Variants in ANKRD52 observed in about 807,000 individuals in gnomAD.
ANKRD52 encodes ankyrin repeat domain 52.
Under a neutral mutation model 116.0 loss-of-function variants are expected in ANKRD52, and 7 were observed. The observed-to-expected ratio is 0.06, with a 90% CI of 0.03 to 0.11. The LOEUF is 0.11. ANKRD52 is among the 10% of genes least tolerant of loss of function. The pLI, the probability that ANKRD52 is intolerant of heterozygous loss-of-function variation, is 1.00. For synonymous variants in ANKRD52, 528 were observed against 578.1 expected, an observed-to-expected ratio of 0.91 and a Z score of 1.24; for missense variants, 839 against 1,408.6, an observed-to-expected ratio of 0.60 and a Z score of 6.47.
In ANKRD52 at chr12:56,241,385, T is replaced by C. The variant is rs141815087; in HGVS notation, c.*1757A>G. The C allele has an allele frequency of 4.0e-5, 6 of 151,746 alleles. No homozygotes were observed. In the East Asian group the frequency reaches 5.9e-4, roughly 15 times the overall value. 9.4% of individuals were successfully genotyped at this position (151,746 alleles called of 1,614,324 possible). A position where few individuals can be genotyped will look rare whatever the true frequency, so the allele number is the denominator to read the frequency against. The stretch of plus-strand genomic sequence containing the variant: ...CATGAGGTATGGTTAAAGGTATCCG[T>C]TGGGGAGGGAGGGGGTCCCTGGGAC... On this transcript the variant is annotated 3_prime_UTR_variant, in exon 28 of 28. Transcript: ENST00000267116.
Position 56,247,530 on chromosome 12 carries a change from G to A in ANKRD52, c.2147C>T (p.Ala716Val). ...GGCAGTGCGGCCCCGGAGGTCAGCA[G>A]CATCAGCTGTGGATCCTTTCTCTAG... The part of the protein sequence containing the change: ...LLLEKGSTAD[A>V]ADLRGRTALH... The change falls in exon 20 of 28, where the codon GCT becomes GTT. Residue 716 changes from alanine (A) to valine (V), a missense_variant. This residue lies in a region of ANKRD52 where 552 missense variants were observed against 810.6 expected (regional missense o/e 0.68). Transcript: ENST00000267116. 3 of 1,593,956 alleles carry A rather than the reference G, an allele frequency of 1.9e-6. No homozygotes were observed. Among genetic ancestry groups the A allele is most frequent in the Non-Finnish European group, 2.6e-6 (3 of 1,169,760 alleles).
In ANKRD52 at chr12:56,243,367, G is replaced by A. The variant is rs778208256; in HGVS notation, c.3006C>T (p.Ala1002=). The change falls in exon 28 of 28, where the codon GCC becomes GCT. Residue 1002 remains alanine, a synonymous_variant. Transcript: ENST00000267116. This position sits in a 1 kb window ranked among gnomAD's most constrained non-coding sequence, Gnocchi z 4.6. ...EEGHTPALAC[A]PNKDVADCLA... ...GGCAGTCTGCCACATCTTTGTTGGG[G>A]GCACAGGCCAGTGCTGGGGTGTGAC... The A allele has an allele frequency of 1.7e-5, 27 of 1,613,802 alleles. No homozygotes were observed. The East Asian group carries it at 5.8e-4, about 35-fold the overall frequency.
rs1196502056 is a variant in ANKRD52, at chr12:56,248,210, G to A, written c.1791C>T (p.His597=). ...CCGCCAGCGTCTTCAAGGCTTCACA[G>A]TGACCGTTGTAGGCCTGGCAAGGTG... ...SPLHLAAYNG[H]CEALKTLAET... Residue 597 remains histidine, a synonymous_variant, in exon 18 of 28, where the codon CAC becomes CAT. Coordinates refer to ENST00000267116, the MANE Select transcript of ANKRD52 (RefSeq NM_173595.4). The surrounding 1 kb of genome is among the most constrained non-coding windows in gnomAD (Gnocchi z 5.1). 1 of 1,613,664 alleles carries A rather than the reference G, an allele frequency of 6.2e-7. No individual in the cohort carries two copies. Among genetic ancestry groups the A allele is most frequent in the African/African-American group, 1.3e-5 (1 of 74,932 alleles).
At chr12:56,257,564 T>C (rs1231561030) in intron 2 of ANKRD52, among the ~76,000 whole-genome samples, 1 of 152,018 alleles carries the variant, frequency 6.6e-6, no homozygotes, top group Non-Finnish European at 1.5e-5. Flanking sequence ...AGCCGGCTCC[T>C]TTTTCCAGGA....
At position 56,253,478 on chromosome 12, in the gene ANKRD52, G is replaced by T; in HGVS notation, c.986-76C>A. The T allele has an allele frequency of 8.5e-7, 1 of 1,181,838 alleles. No homozygotes were observed. The highest frequency in any genetic ancestry group is 1.3e-6 in the Non-Finnish European group (1 of 799,740). The allele number at this position is 1,181,838 out of a possible 1,614,324, so 73.2% of individuals were successfully genotyped here. On this transcript the variant is annotated intron_variant, in intron 9 of 27. Coordinates refer to ENST00000267116, the MANE Select transcript of ANKRD52 (RefSeq NM_173595.4). This position sits in a 1 kb window ranked among gnomAD's most constrained non-coding sequence, Gnocchi z 5.5. ...CACTTTCGCGAGCTAGCCATGATTT[G>T]AGTGCCTACTATGTATGCATCAGGT...
Position 56,255,013 on chromosome 12 carries a change from G to A in ANKRD52, c.463-61C>T. The A allele has an allele frequency of 6.5e-7, 1 of 1,545,120 alleles. No individual in the cohort carries two copies. Among genetic ancestry groups the A allele is most frequent in the South Asian group, 1.1e-5 (1 of 89,440 alleles). ...AGATTCGTGCCCTCAACCTACCTAA[G>A]AGCAGAGGCCTCATCTCCTGAAAAG... On this transcript the variant is annotated intron_variant, in intron 5 of 27. Transcript: ENST00000267116. The surrounding 1 kb of genome is among the most constrained non-coding windows in gnomAD (Gnocchi z 4.3).
At position 56,255,049 on chromosome 12, in the gene ANKRD52, C is replaced by A; in HGVS notation, c.463-97G>T. ...TCATCTCCTGAAAAGGCTGAGGCAG[C>A]CTAATGCCTTTTTCCATGAGCAAAA... On this transcript the variant is annotated intron_variant, in intron 5 of 27. Coordinates refer to ENST00000267116, the MANE Select transcript of ANKRD52 (RefSeq NM_173595.4). This position sits in a 1 kb window ranked among gnomAD's most constrained non-coding sequence, Gnocchi z 4.3. The A allele has an allele frequency of 1.5e-6, 2 of 1,295,862 alleles. No individual in the cohort carries two copies. Among genetic ancestry groups the A allele is most frequent in the South Asian group, 2.5e-5 (2 of 78,992 alleles). The allele number at this position is 1,295,862 out of a possible 1,614,324, so 80.3% of individuals were successfully genotyped here. A position where few individuals can be genotyped will look rare whatever the true frequency, so the allele number is the denominator to read the frequency against.
At chr12:56,250,734 TAAAA>T (rs60547094) in intron 15 of ANKRD52, among the ~76,000 whole-genome samples, 1 of 120,032 alleles carries the variant, frequency 8.3e-6, no homozygotes, top group African/African-American at 3.1e-5. Flanking sequence ...ATAAATTAAT[TAAAA>T]AAAAAAAAAA....
At chr12:56,247,923 T>C in intron 18 of ANKRD52, 100 bp downstream of exon 18, 1 of 1,369,670 alleles carries the variant, frequency 7.3e-7, no homozygotes, top group Non-Finnish European at 1.0e-6. Context: ...GGGCTTGAAG[T>C]CTCCATTCTC....
chr12:56,245,475 A>G lies in ANKRD52; in HGVS notation c.2306T>C (p.Val769Ala), dbSNP rs372049281. ...HLASACGHTA[V>A]LRTLLQAALS... is the part of the protein sequence containing the mutation. ...GGCAGCCTGCAGCAGGGTCCGCAGTACTGCAGTGTGGCCACAGGCTGAGGC... is the reference window on the plus strand; with the variant it reads ...GGCAGCCTGCAGCAGGGTCCGCAGTGCTGCAGTGTGGCCACAGGCTGAGGC... Residue 769 changes from valine to alanine, a missense_variant, in exon 21 of 28, where the codon GTA becomes GCA. By Grantham distance (64) the Val-to-Ala change is moderately conservative. This residue lies in a region of ANKRD52 where 552 missense variants were observed against 810.6 expected (regional missense o/e 0.68). Coordinates refer to ENST00000267116, the MANE Select transcript of ANKRD52 (RefSeq NM_173595.4). 7 of 1,612,328 alleles carry G rather than the reference A, an allele frequency of 4.3e-6. No homozygotes were observed. The highest frequency in any genetic ancestry group is 5.9e-6 in the Non-Finnish European group (7 of 1,179,384).
chr12:56,255,157 G>C lies in ANKRD52; in HGVS notation c.463-205C>G, dbSNP rs1190619695. ...AGATTTGGAACTTTAAGGGAAACAA[G>C]AGAGTCTCTTCAGGTGATCTGGTGG... On this transcript the variant is annotated intron_variant, in intron 5 of 27. Coordinates refer to ENST00000267116, the MANE Select transcript of ANKRD52 (RefSeq NM_173595.4). This position sits in a 1 kb window ranked among gnomAD's most constrained non-coding sequence, Gnocchi z 4.3. The C allele has an allele frequency of 7.8e-6, 4 of 511,014 alleles. No individual in the cohort carries two copies. Among genetic ancestry groups the C allele is most frequent in the African/African-American group, 7.6e-5 (4 of 52,478 alleles). 31.7% of individuals were successfully genotyped at this position (511,014 alleles called of 1,614,324 possible).
Position 56,252,642 on chromosome 12 carries a change from G to A in ANKRD52, c.1302-72C>T, listed in dbSNP as rs141320147. The A allele has an allele frequency of 5.2e-5, 81 of 1,555,880 alleles. No homozygotes were observed. The Middle Eastern group carries it at 8.4e-4, about 16-fold the overall frequency. On this transcript the variant is annotated intron_variant, in intron 12 of 27. Transcript: ENST00000267116. The surrounding 1 kb of genome is among the most constrained non-coding windows in gnomAD (Gnocchi z 4.7). ...ACAGGCCCAGGGTGGGGCTAAGGAA[G>A]GATGGGACTAGCAAGCCCTTTCTGC...
Position 56,253,982 on chromosome 12 carries a change from C to A in ANKRD52, c.906+85G>T. ...TACCCTAGGAAGCAAGTGGATAATTCCCCAAGAGAGCTATCCAGATACAGT... is the reference window on the plus strand; with the variant it reads ...TACCCTAGGAAGCAAGTGGATAATTACCCAAGAGAGCTATCCAGATACAGT... On this transcript the variant is annotated intron_variant, in intron 8 of 27. Transcript: ENST00000267116. This position sits in a 1 kb window ranked among gnomAD's most constrained non-coding sequence, Gnocchi z 5.5. The A allele has an allele frequency of 5.5e-6, 8 of 1,445,640 alleles. No individual in the cohort carries two copies. Among genetic ancestry groups the A allele is most frequent in the Admixed American group, 1.9e-5 (1 of 51,562 alleles). The allele number at this position is 1,445,640 out of a possible 1,614,324, so 89.6% of individuals were successfully genotyped here. A position where few individuals can be genotyped will look rare whatever the true frequency, so the allele number is the denominator to read the frequency against.
chr12:56,244,329 C>T lies in ANKRD52; in HGVS notation c.2805+24G>A, dbSNP rs773141849. ...CATCAAGCTCTGCCCCTTATGCAGT[C>T]CCCCAATCACTTCAGGTAAGTACCT... On this transcript the variant is annotated intron_variant, in intron 25 of 27. Transcript: ENST00000267116. This position sits in a 1 kb window ranked among gnomAD's most constrained non-coding sequence, Gnocchi z 4.9. 1.6e-5 allele frequency: 26 copies of T among 1,611,318 alleles called. No homozygotes were observed. In the Admixed American group the frequency reaches 4.2e-4, roughly 26 times the overall value.
chr12:56,237,831 C>T lies in ANKRD52; in HGVS notation c.*5311G>A. Reference sequence around the variant, plus strand: ...GTAGGAGCAATAGGATTTTAATAAACAGAACCCATCCCAAAGCCATGACTA... The same window carrying T: ...GTAGGAGCAATAGGATTTTAATAAATAGAACCCATCCCAAAGCCATGACTA... On this transcript the variant is annotated 3_prime_UTR_variant, in exon 28 of 28. Coordinates refer to ENST00000267116, the MANE Select transcript of ANKRD52 (RefSeq NM_173595.4). The T allele has an allele frequency of 7.5e-7, 1 of 1,337,888 alleles. No homozygotes were observed. The highest frequency in any genetic ancestry group is 9.9e-7 in the Non-Finnish European group (1 of 1,005,034). The allele number at this position is 1,337,888 out of a possible 1,614,324, so 82.9% of individuals were successfully genotyped here.
Position 56,243,958 on chromosome 12 carries a change from T to C in ANKRD52, c.2889-82A>G. The C allele has an allele frequency of 6.2e-7, 1 of 1,601,896 alleles. No homozygotes were observed. The highest frequency in any genetic ancestry group is 8.5e-7 in the Non-Finnish European group (1 of 1,172,000). ...CAGGGTGGCAAGGGTGCTGAACAAATACAATGGGCTCCAGAGAGCCTCTGA... is the reference window on the plus strand; with the variant it reads ...CAGGGTGGCAAGGGTGCTGAACAAACACAATGGGCTCCAGAGAGCCTCTGA... On this transcript the variant is annotated intron_variant, in intron 26 of 27. Coordinates refer to ENST00000267116, the MANE Select transcript of ANKRD52 (RefSeq NM_173595.4). The surrounding 1 kb of genome is among the most constrained non-coding windows in gnomAD (Gnocchi z 4.6).
At position 56,248,187 on chromosome 12, in the gene ANKRD52, G is replaced by A. The variant is rs757804514; in HGVS notation, c.1814C>T (p.Ala605Val). Residue 605 changes from alanine (A) to valine (V), a missense_variant, in exon 18 of 28, where the codon GCG (alanine) becomes GTG (valine). By Grantham distance (64) the Ala-to-Val change is moderately conservative. Around this residue, in one of 2 missense-constraint regions of ANKRD52, gnomAD observed 552 missense variants for 810.6 expected, o/e 0.68. Coordinates refer to ENST00000267116, the MANE Select transcript of ANKRD52 (RefSeq NM_173595.4). The surrounding 1 kb of genome is among the most constrained non-coding windows in gnomAD (Gnocchi z 5.1). The part of the protein sequence containing the change: ...NGHCEALKTL[A>V]ETLVNLDVRD... Reference sequence around the variant, plus strand: ...TACGTCCAGATTCACCAGCGTCTCCGCCAGCGTCTTCAAGGCTTCACAGTG... The same window carrying A: ...TACGTCCAGATTCACCAGCGTCTCCACCAGCGTCTTCAAGGCTTCACAGTG... 27 of 1,613,738 alleles carry A rather than the reference G, an allele frequency of 1.7e-5. No homozygotes were observed. Among genetic ancestry groups the A allele is most frequent in the African/African-American group, 4.0e-5 (3 of 74,930 alleles).
Position 56,253,868 on chromosome 12 carries a change from C to T in ANKRD52, c.907-68G>A. The T allele has an allele frequency of 1.3e-6, 2 of 1,525,434 alleles. No individual in the cohort carries two copies. The highest frequency in any genetic ancestry group is 1.8e-6 in the Non-Finnish European group (2 of 1,103,048). 94.5% of individuals were successfully genotyped at this position (1,525,434 alleles called of 1,614,324 possible). On this transcript the variant is annotated intron_variant, in intron 8 of 27. Coordinates refer to ENST00000267116, the MANE Select transcript of ANKRD52 (RefSeq NM_173595.4). This position sits in a 1 kb window ranked among gnomAD's most constrained non-coding sequence, Gnocchi z 5.5. Reference sequence around the variant, plus strand: ...GTGCAAAGCACAGAGAATGCCCTACCTCCCTTCCAAGGACATATCTCTAAG... The same window carrying T: ...GTGCAAAGCACAGAGAATGCCCTACTTCCCTTCCAAGGACATATCTCTAAG...
At chr12:56,250,023 T>C (rs1158558816) in intron 15 of ANKRD52, among the ~76,000 whole-genome samples, 2 of 150,212 alleles carry the variant, frequency 1.3e-5, no homozygotes, top group African/African-American at 4.9e-5. Flanking sequence ...GGCAACAGAG[T>C]GAGACTCGGT....
Sources: gnomAD v4.1 joint callset for allele counts (sites outside exome capture counted in the v4.1 genomes callset) on GRCh38, gnomAD v4.1.1 for gene constraint, gnomAD v4.1.1 regional missense constraint, Gnocchi (gnomAD v3.1) non-coding constraint, MANE v1.5 for transcripts, NCBI Gene and HGNC (gene_info 2026-07-23, HGNC 2026-07-21) for gene names.